Variants in TINAG observed in about 807,000 individuals in gnomAD.
The protein encoded by TINAG is tubulointerstitial nephritis antigen.
Under a neutral mutation model 72.7 loss-of-function variants are expected in TINAG, and 83 were observed. The ratio of observed to expected loss-of-function variants is 1.14; its 90% CI spans 0.96 to 1.37. The LOEUF is 1.37. Ranked by LOEUF, TINAG falls within the 40% of genes most tolerant of loss-of-function variation. The pLI is 0.00. For synonymous variants in TINAG, 234 were observed against 189.9 expected (o/e 1.23, Z -1.91); for missense variants, 685 against 576.6 (o/e 1.19, Z -1.93).
At chr6:54,386,588 C>A (rs1384653805) in intron 10 of TINAG, among the ~76,000 whole-genome samples, 3 of 152,054 alleles carry the variant, frequency 2.0e-5, no homozygotes, top group Non-Finnish European at 4.4e-5. Context: ...CAACAGAGTA[C>A]CTTACATCTT....
chr6:54,358,267 A>G (rs1763116837), intron 9 of TINAG, among the ~76,000 whole-genome samples: 1 of 151,726 alleles, frequency 6.6e-6, no homozygotes, highest in Non-Finnish European at 1.5e-5. Context: ...ATTTTATACA[A>G]TTATCACTTT....
rs766311011 is a variant in TINAG, at chr6:54,347,430, A to G, written c.812A>G (p.Gln271Arg). The part of the protein sequence containing the change: ...KGRYTANLSP[Q>R]NLISCCAKNR... ...CGATACACGGCCAATCTATCCCCTC[A>G]GAATTTGATCTCTTGCTGTGCCAAG... The change falls in exon 6 of 11, where the codon CAG becomes CGG. Residue 271 changes from glutamine (Q) to arginine (R), a missense_variant. Gln to Arg is a conservative substitution (Grantham distance 43). Transcript: ENST00000259782. 3 of 1,613,374 alleles carry G rather than the reference A, an allele frequency of 1.9e-6. No individual in the cohort carries two copies. The highest frequency in any genetic ancestry group is 2.5e-6 in the Non-Finnish European group (3 of 1,179,600).
chr6:54,366,051 G>A (rs762258791), intron 9 of TINAG, among the ~76,000 whole-genome samples: 9 of 151,506 alleles, frequency 5.9e-5, no homozygotes, highest in Non-Finnish European at 1.2e-4. Flanking sequence ...CCATAATCAC[G>A]GTAGTAGAAC....
chr6:54,370,537 G>C (rs1022448213), intron 9 of TINAG, among the ~76,000 whole-genome samples: 1 of 151,968 alleles, frequency 6.6e-6, no homozygotes, highest in East Asian at 1.9e-4. Flanking sequence ...TTGAGTGATG[G>C]TTGTGTACCA....
intron 1 of TINAG, among the ~76,000 whole-genome samples, chr6:54,318,904 C>A (rs907348108): frequency 6.6e-6 from 1 of 152,052 alleles, no homozygotes; most frequent in African/African-American, 2.4e-5. Context: ...AAAGTGAATG[C>A]AATGTCTCAG....
intron 1 of TINAG, among the ~76,000 whole-genome samples, chr6:54,316,946 A>G: frequency 6.6e-6 from 1 of 152,184 alleles, no homozygotes. Flanking sequence ...TTAAAGTCAC[A>G]AAACTGCCGT....
chr6:54,359,604 G>A (rs1216472626), intron 9 of TINAG, among the ~76,000 whole-genome samples: 1 of 151,696 alleles, frequency 6.6e-6, no homozygotes, highest in Admixed American at 6.6e-5. Context: ...TGTGTCAGTT[G>A]CAATAGTGAA....
chr6:54,326,785 T>C lies in TINAG; in HGVS notation c.510-17T>C. ...CTGTATATATTTTTCTATATTTTTC[T>C]CTCATTTGTAAGGCAGATGGACAGC... On this transcript the variant is annotated splice_polypyrimidine_tract_variant and intron_variant, in intron 3 of 10. Transcript: ENST00000259782. The C allele has an allele frequency of 6.4e-7, 1 of 1,556,004 alleles. No individual in the cohort carries two copies. The highest frequency in any genetic ancestry group is 8.7e-7 in the Non-Finnish European group (1 of 1,150,668).
At chr6:54,331,589 G>T (rs1291704560) in intron 4 of TINAG, among the ~76,000 whole-genome samples, 4 of 152,178 alleles carry the variant, frequency 2.6e-5, no homozygotes, top group African/African-American at 9.7e-5. Flanking sequence ...ATTCAACATA[G>T]TATTGGAAGT....
chr6:54,348,991 A>G (rs1253053996), intron 6 of TINAG, among the ~76,000 whole-genome samples: 2 of 151,964 alleles, frequency 1.3e-5, no homozygotes, highest in East Asian at 1.9e-4. Flanking sequence ...TATTTCCCTT[A>G]CAATTTATCT....
chr6:54,367,789 G>A (rs1763478731), intron 9 of TINAG, among the ~76,000 whole-genome samples: 2 of 151,778 alleles, frequency 1.3e-5, no homozygotes, highest in Admixed American at 1.3e-4. Context: ...TACACTGGGT[G>A]ACCTACACAA....
Position 54,354,496 on chromosome 6 carries a change from G to A in TINAG, c.1127-17G>A, listed in dbSNP as rs373486703. 2.3e-5 allele frequency: 36 copies of A among 1,591,430 alleles called. No individual in the cohort carries two copies. The African/African-American group carries it at 4.8e-4, about 21-fold the overall frequency. On this transcript the variant is annotated splice_polypyrimidine_tract_variant and intron_variant, in intron 8 of 10. Transcript: ENST00000259782. Reference sequence around the variant, plus strand: ...ATTTTAATACTGTGCCATTTGTTCTGTTGGATTTTATTTTAGCCATAATGC... The same window carrying A: ...ATTTTAATACTGTGCCATTTGTTCTATTGGATTTTATTTTAGCCATAATGC...
intron 8 of TINAG, among the ~76,000 whole-genome samples, chr6:54,351,898 G>A (rs1785274590): frequency 6.6e-6 from 1 of 151,704 alleles, no homozygotes; most frequent in Admixed American, 6.6e-5. Context: ...TTTTACAAAA[G>A]GTTTTCAATT....
At chr6:54,369,587 A>G (rs892763208) in intron 9 of TINAG, among the ~76,000 whole-genome samples, 3 of 151,944 alleles carry the variant, frequency 2.0e-5, no homozygotes, top group African/African-American at 4.8e-5. Flanking sequence ...TTTTGGCTGT[A>G]TTAGGACTAG....
chr6:54,333,616 T>TA (rs1311589916), intron 4 of TINAG, among the ~76,000 whole-genome samples: 163 of 138,170 alleles, frequency 1.2e-3, no homozygotes, highest in African/African-American at 3.9e-3. Context: ...TGAAGTATAA[T>TA]AAAAAAAAAA....
At position 54,360,496 on chromosome 6, in the gene TINAG, C is replaced by G. The variant is rs548047966; in HGVS notation, c.1250+5860C>G. Among the ~76,000 whole-genome samples the G allele has an allele frequency of 3.3e-5, 5 of 151,638 alleles. No homozygotes were observed. The East Asian group carries it at 9.8e-4, about 30-fold the overall frequency. On this transcript the variant is annotated intron_variant, in intron 9 of 10. Transcript: ENST00000259782. ...TGGTATTTCAGATTTTTATCCCACC[C>G]AATATTCTCCATATTATGGTCCTAT... is the stretch of plus-strand genomic sequence containing the variant.
intron 9 of TINAG, among the ~76,000 whole-genome samples, chr6:54,367,399 G>C (rs1014729813): frequency 1.3e-5 from 2 of 151,868 alleles, no homozygotes; most frequent in Non-Finnish European, 2.9e-5. Context: ...TGAGCTCCGG[G>C]AAATACATAC....
intron 9 of TINAG, among the ~76,000 whole-genome samples, chr6:54,375,016 A>C (rs1763739091): frequency 1.3e-5 from 2 of 152,106 alleles, no homozygotes; most frequent in Admixed American, 6.6e-5. Context: ...AGACCCCAGA[A>C]ATAGCAAATC....
chr6:54,308,047 G>C, upstream of TINAG: 1 of 1,549,772 alleles, frequency 6.5e-7, no homozygotes, highest in African/African-American at 1.4e-5. Flanking sequence ...TGATATGACA[G>C]ATCCTAGCAG....
Sources: allele counts gnomAD v4.1 joint callset (sites outside exome capture counted in the v4.1 genomes callset), GRCh38; gene constraint gnomAD v4.1.1; transcripts MANE v1.5; gene names NCBI Gene and HGNC (gene_info 2026-07-23, HGNC 2026-07-21).